PITPNM3: variants seen among roughly 807,000 people sequenced by gnomAD.
PITPNM3 encodes PITPNM family member 3.
PITPNM3 carries 26 observed loss-of-function variants against 102.0 expected under a neutral mutation model. The observed-to-expected ratio is 0.25, with a 90% CI of 0.19 to 0.35. The LOEUF is 0.35. Among genes scored for constraint, PITPNM3 ranks in the 10% least tolerant of loss-of-function variants. PITPNM3 has a pLI of 1.00. For missense variants in PITPNM3, 1,083 were observed against 1,346.1 expected (o/e 0.80, Z 3.06); for synonymous variants, 578 against 558.6 (o/e 1.03, Z -0.49).
intron 5 of PITPNM3, 111 bp downstream of exon 5, chr17:6,484,105 A>C (rs1905923635): frequency 8.1e-7 from 1 of 1,235,388 alleles, no homozygotes; most frequent in South Asian, 1.2e-5. Flanking sequence ...AGGGTCACAC[A>C]GCAAGTCAGA....
At chr17:6,464,900 G>A in intron 14 of PITPNM3, 129 bp from the exon 15 acceptor site, 1 of 895,526 alleles carries the variant, frequency 1.1e-6, no homozygotes, top group Non-Finnish European at 1.8e-6. Context: ...ACTAACTTCT[G>A]CTAGAGTTTC....
chr17:6,470,110 C>G lies in PITPNM3; in HGVS notation c.1773+150G>C. The G allele has an allele frequency of 2.2e-6, 2 of 903,940 alleles. No homozygotes were observed. The allele number at this position is 903,940 out of a possible 1,614,324, so 56.0% of individuals were successfully genotyped here. The stretch of plus-strand genomic sequence containing the variant: ...TTCTCTGGTCATGTCACTCCCCACT[C>G]ACGTAGGTGCTCCAATGCCTTCCTC... On this transcript the variant is annotated intron_variant, in intron 13 of 19. Transcript: ENST00000262483. This position sits in a 1 kb window ranked among gnomAD's most constrained non-coding sequence, Gnocchi z 4.8.
At chr17:6,540,551 T>C (rs1909673665) in intron 1 of PITPNM3, among the ~76,000 whole-genome samples, 1 of 152,236 alleles carries the variant, frequency 6.6e-6, no homozygotes, top group African/African-American at 2.4e-5. Context: ...TGTCTCCCTT[T>C]TATTATTGCG....
intron 3 of PITPNM3, among the ~76,000 whole-genome samples, chr17:6,510,009 C>T (rs1429192106): frequency 1.3e-5 from 2 of 151,912 alleles, no homozygotes; most frequent in Non-Finnish European, 2.9e-5. Context: ...GCCCAATGCT[C>T]CACACCCCAA....
chr17:6,503,597 T>C (rs763921775), intron 3 of PITPNM3, 23 bp from the exon 4 acceptor site: 2 of 1,604,642 alleles, frequency 1.2e-6, no homozygotes, highest in East Asian at 2.2e-5. Context: ...AAAAGAAACA[T>C]GAGCAGATCC....
At chr17:6,476,861 A>G (rs1905328899) in intron 9 of PITPNM3, among the ~76,000 whole-genome samples, 168 bp downstream of exon 9, 4 of 152,194 alleles carry the variant, frequency 2.6e-5, no homozygotes, top group Admixed American at 2.6e-4. Flanking sequence ...GCTGCCGACG[A>G]GTGGCTGTGG....
intron 1 of PITPNM3, among the ~76,000 whole-genome samples, chr17:6,543,670 G>A (rs1909853732): frequency 6.6e-6 from 1 of 152,242 alleles, no homozygotes; most frequent in African/African-American, 2.4e-5. Flanking sequence ...TGGGGGCACA[G>A]CCCTACACTG....
chr17:6,481,401 G>A (rs191751924), intron 6 of PITPNM3: 8 of 153,626 alleles, frequency 5.2e-5, no homozygotes, highest in African/African-American at 1.9e-4. Context: ...GCATCCCTAT[G>A]TGCTTTCTAC....
At position 6,470,692 on chromosome 17, in the gene PITPNM3, G is replaced by A. The variant is rs1905028338; in HGVS notation, c.1625-284C>T. On this transcript the variant is annotated intron_variant, in intron 12 of 19. Coordinates refer to ENST00000262483, the MANE Select transcript of PITPNM3 (RefSeq NM_031220.4). This position sits in a 1 kb window ranked among gnomAD's most constrained non-coding sequence, Gnocchi z 4.8. ...CAGTCTCACCCAGGGCCGCCGCTCA[G>A]TGGCAGTTCCCAGTGGGCTCTGCCT... Among the ~76,000 whole-genome samples the A allele has an allele frequency of 6.6e-6, 1 of 152,214 alleles. No homozygotes were observed. The highest frequency in any genetic ancestry group is 1.5e-5 in the Non-Finnish European group (1 of 68,040).
chr17:6,464,611 G>T, intron 15 of PITPNM3, 44 bp downstream of exon 15: 1 of 1,547,014 alleles, frequency 6.5e-7, no homozygotes, highest in South Asian at 1.1e-5. Flanking sequence ...GAGGCACCTG[G>T]TGCAGGTGGA....
At chr17:6,521,043 T>C (rs1056367439) in intron 3 of PITPNM3, 2 of 152,308 alleles carry the variant, frequency 1.3e-5, no homozygotes, top group Non-Finnish European at 2.9e-5. Flanking sequence ...AGTGACCAAG[T>C]TCTGGAGATG....
intron 1 of PITPNM3, among the ~76,000 whole-genome samples, chr17:6,542,058 TCTC>T (rs1293620741): frequency 6.6e-6 from 1 of 152,134 alleles, no homozygotes; most frequent in African/African-American, 2.4e-5. Context: ...GGGACCTCAG[TCTC>T]CTCCTCTCTC....
chr17:6,481,849 ATGATAGAGAGAG>A (rs1304077232), intron 6 of PITPNM3: 1 of 99,062 alleles, frequency 1.0e-5, no homozygotes, highest in African/African-American at 3.9e-5. Flanking sequence ...ACAGAATAGA[ATGATAGAGAGAG>A]AGAGAGAGAG....
intron 3 of PITPNM3, among the ~76,000 whole-genome samples, chr17:6,524,666 C>CA (rs1267995636): frequency 1.3e-5 from 2 of 152,160 alleles, no homozygotes; most frequent in Non-Finnish European, 2.9e-5. Flanking sequence ...AAGCCTGATC[C>CA]ACATATCTTG....
chr17:6,513,333 G>C (rs1017244742), intron 3 of PITPNM3, among the ~76,000 whole-genome samples: 1 of 152,116 alleles, frequency 6.6e-6, no homozygotes, highest in Non-Finnish European at 1.5e-5. Context: ...GGAAATAAAA[G>C]CTATCCAGAT....
At chr17:6,480,607 A>C (rs1354368797) in intron 6 of PITPNM3, 1 of 152,250 alleles carries the variant, frequency 6.6e-6, no homozygotes, top group Non-Finnish European at 1.5e-5. Context: ...AGCAGCCCCA[A>C]GTCTCTGGCG....
intron 3 of PITPNM3, among the ~76,000 whole-genome samples, chr17:6,510,687 C>A (rs1907817521): frequency 6.6e-6 from 1 of 152,244 alleles, no homozygotes; most frequent in Non-Finnish European, 1.5e-5. Context: ...CCACTTTGGG[C>A]TCAGACAGGG....
chr17:6,467,081 CAA>C (rs1312792836), intron 14 of PITPNM3, among the ~76,000 whole-genome samples: 1 of 101,592 alleles, frequency 9.8e-6, no homozygotes, highest in South Asian at 3.6e-4. Flanking sequence ...AAAAAAAAAC[CAA>C]AAAAAAAAAA....
intron 1 of PITPNM3, among the ~76,000 whole-genome samples, chr17:6,541,877 G>A (rs976707685): frequency 6.6e-6 from 1 of 152,208 alleles, no homozygotes; most frequent in Non-Finnish European, 1.5e-5. Context: ...TGATTTGCTT[G>A]GTGAGTGCGG....
Sources: allele counts gnomAD v4.1 joint callset (sites outside exome capture counted in the v4.1 genomes callset), GRCh38; gene constraint gnomAD v4.1.1; non-coding constraint Gnocchi (gnomAD v3.1); transcripts MANE v1.5; gene names NCBI Gene and HGNC (gene_info 2026-07-23, HGNC 2026-07-21).